IFNLR1: variants seen among roughly 807,000 people sequenced by gnomAD.
The protein encoded by IFNLR1 is CRF2-12.
In IFNLR1, 28 loss-of-function variants were observed where a neutral mutation model predicts 52.5. The observed-to-expected ratio is 0.53, with a 90% CI of 0.40 to 0.73. IFNLR1 has a LOEUF of 0.73. Ranked by LOEUF, IFNLR1 falls within the 30% of genes least tolerant of loss-of-function variation. The pLI, the probability that IFNLR1 is intolerant of heterozygous loss-of-function variation, is 0.00. For missense variants in IFNLR1, 623 were observed against 659.1 expected, an observed-to-expected ratio of 0.95 and a Z score of 0.60; for synonymous variants, 276 against 274.9, an observed-to-expected ratio of 1.00 and a Z score of -0.04.
At chr1:24,184,099 C>T (rs1046393764) in intron 1 of IFNLR1, among the ~76,000 whole-genome samples, 1 of 152,132 alleles carries the variant, frequency 6.6e-6, no homozygotes, top group African/African-American at 2.4e-5. Flanking sequence ...TCCCTTGCTC[C>T]CATATCTCCA....
chr1:24,184,871 T>C (rs2148605240), intron 1 of IFNLR1, among the ~76,000 whole-genome samples: 2 of 151,834 alleles, frequency 1.3e-5, no homozygotes, highest in Middle Eastern at 6.8e-3. Context: ...ATACAAAAAT[T>C]AGTTGGGCAT....
chr1:24,181,983 GA>G lies in IFNLR1; in HGVS notation c.59-1130del, dbSNP rs1450289251. On this transcript the variant is annotated intron_variant, in intron 1 of 6. Coordinates refer to ENST00000327535, the MANE Select transcript of IFNLR1 (RefSeq NM_170743.4). Reference sequence around the variant, plus strand: ...GGAGGTCAAGGTGGGCAGATCACCTGAGGTCAGGAATTCAAGACCAGTCTTG... The same window carrying G: ...GGAGGTCAAGGTGGGCAGATCACCTGGGTCAGGAATTCAAGACCAGTCTTG... 3.3e-5 allele frequency among the ~76,000 whole-genome samples: 5 copies of G among 152,294 alleles called. No individual in the cohort carries two copies. In the East Asian group the frequency reaches 9.7e-4, roughly 29 times the overall value.
In IFNLR1 at chr1:24,164,759, CTT is replaced by C. The variant is rs61550265; in HGVS notation, c.368-3077_368-3076del. Among the ~76,000 whole-genome samples the C allele has an allele frequency of 3.2e-3, 449 of 140,520 alleles. 3 individuals are homozygous for C. Among genetic ancestry groups the C allele is most frequent in the African/African-American group, 9.3e-3 (353 of 37,974 alleles). The allele number at this position is 140,520 out of a possible 152,430, so 92.2% of individuals were successfully genotyped here. A position where few individuals can be genotyped will look rare whatever the true frequency, so the allele number is the denominator to read the frequency against. ...TATGTCACACTTTTGGGAGCAATCTCTTTTTTTTTTTTTTTTTGAGATGGAGT... is the reference window on the plus strand; with the variant it reads ...TATGTCACACTTTTGGGAGCAATCTCTTTTTTTTTTTTTTTGAGATGGAGT... On this transcript the variant is annotated intron_variant, in intron 3 of 6. Transcript: ENST00000327535.
intron 2 of IFNLR1, among the ~76,000 whole-genome samples, chr1:24,177,525 T>C (rs10794646): frequency 1 from 152,001 of 152,372 alleles, 75,816 homozygotes; most frequent in South Asian, 1. Context: ...ACCCAGCAAG[T>C]GAAGCTATCC....
At position 24,159,036 on chromosome 1, in the gene IFNLR1, C is replaced by A; in HGVS notation, c.801+16G>T. The A allele has an allele frequency of 1.2e-6, 2 of 1,613,016 alleles. No homozygotes were observed. The highest frequency in any genetic ancestry group is 1.7e-6 in the Non-Finnish European group (2 of 1,179,396). On this transcript the variant is annotated intron_variant, in intron 6 of 6. Coordinates refer to ENST00000327535, the MANE Select transcript of IFNLR1 (RefSeq NM_170743.4). ...AACCCCTCCCCACCTGCTGCACACC[C>A]CCAGATTTGCTATACCAGGGCCCGT... is the stretch of plus-strand genomic sequence containing the variant.
At chr1:24,180,959 G>T in intron 1 of IFNLR1, 105 bp from the exon 2 acceptor site, 1 of 1,212,098 alleles carries the variant, frequency 8.3e-7, no homozygotes, top group Non-Finnish European at 1.1e-6. Flanking sequence ...TGCTCACTGA[G>T]TTTGAGGAAC....
intron 1 of IFNLR1, among the ~76,000 whole-genome samples, chr1:24,185,705 A>T (rs978095925): frequency 6.6e-6 from 1 of 152,352 alleles, no homozygotes; most frequent in Non-Finnish European, 1.5e-5. Flanking sequence ...GGCTGTCTGC[A>T]AGCCACTTGT....
intron 4 of IFNLR1, among the ~76,000 whole-genome samples, chr1:24,159,840 C>A (rs966491306): frequency 1.7e-4 from 25 of 151,096 alleles, no homozygotes; most frequent in African/African-American, 6.1e-4. Context: ...AACTCCTGGG[C>A]TCAAGCGATC....
chr1:24,168,457 AC>A (rs3831904), intron 3 of IFNLR1, among the ~76,000 whole-genome samples: 14,579 of 152,088 alleles, frequency 0.096, 1,208 homozygotes, highest in East Asian at 0.44. Context: ...GATCCAGTTC[AC>A]ATCTATGTCC....
At chr1:24,158,098 T>G (rs1448902954) in intron 6 of IFNLR1, among the ~76,000 whole-genome samples, 2 of 152,220 alleles carry the variant, frequency 1.3e-5, no homozygotes, top group Non-Finnish European at 2.9e-5. Flanking sequence ...CTAGGGCTAC[T>G]GGCACTTAAT....
chr1:24,161,003 A>C (rs557675937), intron 4 of IFNLR1, among the ~76,000 whole-genome samples: 1 of 152,166 alleles, frequency 6.6e-6, no homozygotes, highest in South Asian at 2.1e-4. Flanking sequence ...CTGAGATTAC[A>C]GGCATGAGCC....
chr1:24,167,955 C>T (rs1644536909), intron 3 of IFNLR1, among the ~76,000 whole-genome samples: 1 of 152,124 alleles, frequency 6.6e-6, no homozygotes. Flanking sequence ...CCTCGGCCTC[C>T]TAAAGTGCTG....
At chr1:24,183,565 G>A (rs988681020) in intron 1 of IFNLR1, among the ~76,000 whole-genome samples, 1 of 152,180 alleles carries the variant, frequency 6.6e-6, no homozygotes, top group African/African-American at 2.4e-5. Context: ...GGCCAACAGA[G>A]CAAGACCCTG....
At chr1:24,171,151 A>G (rs1326273086) in intron 2 of IFNLR1, among the ~76,000 whole-genome samples, 2 of 152,244 alleles carry the variant, frequency 1.3e-5, no homozygotes, top group African/African-American at 2.4e-5. Flanking sequence ...TTCACCCTCT[A>G]TAAAGCAAAC....
In IFNLR1 at chr1:24,161,621, G is replaced by A. The variant is rs1009179909; in HGVS notation, c.431C>T (p.Thr144Met). The A allele has an allele frequency of 1.1e-5, 17 of 1,550,880 alleles. No individual in the cohort carries two copies. The highest frequency in any genetic ancestry group is 4.8e-5 in the South Asian group (4 of 83,658). Residue 144 changes from threonine to methionine, a missense_variant, in exon 4 of 7, where the codon ACG becomes ATG. By Grantham distance (81) the Thr-to-Met change is moderately conservative. Transcript: ENST00000327535. ...GGGCATGCAGGGGGGCAGCTGGTAC[G>A]TGGCATTGGCACTCAGGATCTCCTC... ...QTEEILSANATYQLPPCMPPL... is the reference protein window; with the variant it reads ...QTEEILSANAMYQLPPCMPPL...
chr1:24,169,760 C>A (rs1374255855), intron 2 of IFNLR1, among the ~76,000 whole-genome samples, 159 bp from the exon 3 acceptor site: 1 of 152,160 alleles, frequency 6.6e-6, no homozygotes, highest in Admixed American at 6.5e-5. Context: ...TAAGAACAGC[C>A]TGGTCAGGAG....
chr1:24,180,571 A>AAAAGCCCCTCTCC (rs1644678983), intron 2 of IFNLR1, among the ~76,000 whole-genome samples, 160 bp downstream of exon 2: 1 of 152,028 alleles, frequency 6.6e-6, no homozygotes, highest in Non-Finnish European at 1.5e-5. Context: ...GACCTTTATC[A>AAAAGCCCCTCTCC]AAAGCCCCTC....
chr1:24,180,713 CG>C lies in IFNLR1; in HGVS notation c.182+17del. On this transcript the variant is annotated intron_variant, in intron 2 of 6. Coordinates refer to ENST00000327535, the MANE Select transcript of IFNLR1 (RefSeq NM_170743.4). ...CCCCTCAGTCTTCCCATCCACCAGC[CG>C]AGAGAGTCCCCTCTACCTCTGATAG... is the stretch of plus-strand genomic sequence containing the variant. The C allele has an allele frequency of 6.2e-7, 1 of 1,602,518 alleles. No individual in the cohort carries two copies. The highest frequency in any genetic ancestry group is 8.5e-7 in the Non-Finnish European group (1 of 1,173,898).
Position 24,157,473 on chromosome 1 carries a change from A to C in IFNLR1, c.1220T>G (p.Leu407Trp). 1 of 1,613,750 alleles carries C rather than the reference A, an allele frequency of 6.2e-7. No homozygotes were observed. Among genetic ancestry groups the C allele is most frequent in the South Asian group, 1.1e-5 (1 of 91,044 alleles). The part of the protein sequence containing the change: ...SWDRAGSSGY[L>W]AEKGPGQGPG... Reference sequence around the variant, plus strand: ...CCCTTGGCCTGGCCCCTTCTCAGCCAAATAGCCAGAGGACCCAGCCCTGTC... The same window carrying C: ...CCCTTGGCCTGGCCCCTTCTCAGCCCAATAGCCAGAGGACCCAGCCCTGTC... The change falls in exon 7 of 7, where the codon TTG becomes TGG. Residue 407 changes from leucine (L) to tryptophan (W), a missense_variant. Leu to Trp is a moderately conservative substitution (Grantham distance 61). Transcript: ENST00000327535. This position sits in a 1 kb window ranked among gnomAD's most constrained non-coding sequence, Gnocchi z 5.1.
Sources: allele counts gnomAD v4.1 joint callset (sites outside exome capture counted in the v4.1 genomes callset), GRCh38; gene constraint gnomAD v4.1.1; non-coding constraint Gnocchi (gnomAD v3.1); transcripts MANE v1.5; gene names NCBI Gene and HGNC (gene_info 2026-07-23, HGNC 2026-07-21).